Variants in PAPPA2 observed in about 807,000 individuals in gnomAD.
The protein encoded by PAPPA2 is pappalysin 2.
Under a neutral mutation model 176.4 loss-of-function variants are expected in PAPPA2, and 86 were observed. That is an observed-to-expected ratio of 0.49 (90% CI 0.41 to 0.58). The LOEUF (loss-of-function observed/expected upper bound fraction) is 0.58. Ranked by LOEUF, PAPPA2 falls within the 20% of genes least tolerant of loss-of-function variation. The pLI is 0.00. For missense variants in PAPPA2, 2,073 were observed against 2,256.9 expected (o/e 0.92, Z 1.65); for synonymous variants, 809 against 852.2 (o/e 0.95, Z 0.88).
intron 3 of PAPPA2, among the ~76,000 whole-genome samples, chr1:176,613,372 T>C (rs751100712): frequency 2.6e-5 from 4 of 152,222 alleles, no homozygotes; most frequent in Non-Finnish European, 5.9e-5. Context: ...AACCATTTCA[T>C]TTTATTTATG....
intron 1 of PAPPA2, 53 bp downstream of exon 1, chr1:176,463,471 A>G (rs1651471753): frequency 1.3e-5 from 2 of 152,252 alleles, no homozygotes; most frequent in Admixed American, 1.3e-4. Context: ...CTGACTGAAC[A>G]AGATGCTGGA....
chr1:176,679,449 C>T (rs1485946778), intron 4 of PAPPA2, among the ~76,000 whole-genome samples: 1 of 152,124 alleles, frequency 6.6e-6, no homozygotes, highest in Non-Finnish European at 1.5e-5. Context: ...GTGATACTAT[C>T]ATTTTTCTGT....
intron 3 of PAPPA2, among the ~76,000 whole-genome samples, chr1:176,648,234 A>G (rs1657524516): frequency 6.6e-6 from 1 of 151,136 alleles, no homozygotes; most frequent in African/African-American, 2.4e-5. Flanking sequence ...TCTTTTTCAG[A>G]TTATTTGCTG....
At chr1:176,678,496 G>A (rs1356982948) in intron 4 of PAPPA2, among the ~76,000 whole-genome samples, 3 of 151,128 alleles carry the variant, frequency 2.0e-5, no homozygotes, top group Non-Finnish European at 4.4e-5. Flanking sequence ...GCAATTTAAT[G>A]TATATGAGAA....
At chr1:176,824,398 T>C (rs1666778504) in intron 21 of PAPPA2, among the ~76,000 whole-genome samples, 1 of 152,238 alleles carries the variant, frequency 6.6e-6, no homozygotes, top group Admixed American at 6.5e-5. Flanking sequence ...AGTTAATAAA[T>C]ATTCACATTT....
At chr1:176,788,531 A>T (rs1432607331) in intron 17 of PAPPA2, among the ~76,000 whole-genome samples, 1 of 152,246 alleles carries the variant, frequency 6.6e-6, no homozygotes. Flanking sequence ...TTACAAGCTT[A>T]TCTGTAACCA....
chr1:176,645,557 G>A (rs1450896649), intron 3 of PAPPA2, among the ~76,000 whole-genome samples: 2 of 151,718 alleles, frequency 1.3e-5, no homozygotes, highest in Non-Finnish European at 2.9e-5. Context: ...AAACATGGGA[G>A]TGTAAATATC....
intron 21 of PAPPA2, among the ~76,000 whole-genome samples, chr1:176,809,151 T>A (rs1187373070): frequency 6.6e-6 from 1 of 152,180 alleles, no homozygotes; most frequent in African/African-American, 2.4e-5. Flanking sequence ...CTGCTTATAG[T>A]TTGGTACTCT....
intron 1 of PAPPA2, among the ~76,000 whole-genome samples, chr1:176,507,825 T>C (rs1648369823): frequency 6.6e-6 from 1 of 152,058 alleles, no homozygotes; most frequent in Non-Finnish European, 1.5e-5. Flanking sequence ...AAAAAGTACC[T>C]GTTGGGTACT....
At chr1:176,650,810 A>G (rs889742604) in intron 3 of PAPPA2, among the ~76,000 whole-genome samples, 1 of 151,352 alleles carries the variant, frequency 6.6e-6, no homozygotes, top group South Asian at 2.1e-4. Context: ...CTTTTTAGTT[A>G]TGTGATTTTC....
At chr1:176,483,535 AT>A (rs1174923029) in intron 1 of PAPPA2, among the ~76,000 whole-genome samples, 2 of 116,090 alleles carry the variant, frequency 1.7e-5, no homozygotes, top group Non-Finnish European at 3.2e-5. Context: ...CAGTGGTGTG[AT>A]TTTGGCTCAC....
intron 12 of PAPPA2, among the ~76,000 whole-genome samples, chr1:176,731,972 G>C (rs1222737276): frequency 1.3e-5 from 2 of 152,012 alleles, no homozygotes. Flanking sequence ...TGCCCATACT[G>C]TGTTTTGGTT....
At chr1:176,687,634 A>C (rs1659903399) in intron 4 of PAPPA2, among the ~76,000 whole-genome samples, 1 of 152,122 alleles carries the variant, frequency 6.6e-6, no homozygotes, top group African/African-American at 2.4e-5. Flanking sequence ...TTTATCTATA[A>C]TTGAAGGAGA....
At chr1:176,550,205 G>C (rs980732088) in intron 1 of PAPPA2, among the ~76,000 whole-genome samples, 1 of 152,304 alleles carries the variant, frequency 6.6e-6, no homozygotes. Flanking sequence ...AGTTTAACCT[G>C]TTTCAGCCTC....
chr1:176,590,476 T>C (rs1653591728), intron 2 of PAPPA2, among the ~76,000 whole-genome samples: 1 of 152,198 alleles, frequency 6.6e-6, no homozygotes, highest in Non-Finnish European at 1.5e-5. Context: ...TGGTTTTATA[T>C]CTAACTTGTT....
Position 176,507,181 on chromosome 1 carries a change from A to T in PAPPA2, c.-917+43763A>T, listed in dbSNP as rs118111695. On this transcript the variant is annotated intron_variant, in intron 1 of 22. Coordinates refer to ENST00000367662, the MANE Select transcript of PAPPA2 (RefSeq NM_020318.3). Reference sequence around the variant, plus strand: ...ACATACAAGTGGTCAACAAATACATAAAAAATGCTTCATGTCACTAATCAT... The same window carrying T: ...ACATACAAGTGGTCAACAAATACATTAAAAATGCTTCATGTCACTAATCAT... Among the ~76,000 whole-genome samples, 9 of 152,246 alleles carry T rather than the reference A, an allele frequency of 5.9e-5. No individual in the cohort carries two copies. The East Asian group carries it at 1.7e-3, about 29-fold the overall frequency.
intron 1 of PAPPA2, among the ~76,000 whole-genome samples, chr1:176,548,179 AAACAT>A (rs1482603331): frequency 1.3e-5 from 2 of 152,242 alleles, no homozygotes; most frequent in Non-Finnish European, 2.9e-5. Flanking sequence ...GTTAAATAGA[AAACAT>A]AACATGTATT....
intron 21 of PAPPA2, among the ~76,000 whole-genome samples, chr1:176,831,614 C>T (rs909711259): frequency 1.3e-5 from 2 of 152,154 alleles, no homozygotes; most frequent in Non-Finnish European, 2.9e-5. Flanking sequence ...GGAGAGACTG[C>T]ATGGGGAAGC....
At chr1:176,685,730 C>G (rs1185945380) in intron 4 of PAPPA2, among the ~76,000 whole-genome samples, 3 of 152,194 alleles carry the variant, frequency 2.0e-5, no homozygotes, top group Non-Finnish European at 4.4e-5. Context: ...AAGGGATTGC[C>G]ACTCTAACCA....
Sources: allele counts gnomAD v4.1 joint callset (sites outside exome capture counted in the v4.1 genomes callset), GRCh38; gene constraint gnomAD v4.1.1; transcripts MANE v1.5; gene names NCBI Gene and HGNC (gene_info 2026-07-23, HGNC 2026-07-21).